SLC5A11: variants seen among roughly 807,000 people sequenced by gnomAD.
SLC5A11 encodes sodium/myo-inositol cotransporter 2.
In SLC5A11, 48 loss-of-function variants were observed where a neutral mutation model predicts 69.8. The ratio of observed to expected loss-of-function variants is 0.69; its 90% CI spans 0.55 to 0.87. SLC5A11 has a LOEUF of 0.87. Among genes scored for constraint, SLC5A11 ranks in the 40% least tolerant of loss-of-function variants. The pLI is 0.00. For missense variants in SLC5A11, 784 were observed against 866.1 expected (o/e 0.91, Z 1.19); for synonymous variants, 319 against 342.4 (o/e 0.93, Z 0.75).
At chr16:24,905,279 A>C (rs1435624151) in intron 10 of SLC5A11, among the ~76,000 whole-genome samples, 45 of 146,716 alleles carry the variant, frequency 3.1e-4, no homozygotes, top group African/African-American at 1.1e-3. Context: ...CAAAAAAAAA[A>C]AAAAAAAAAA....
At chr16:24,876,468 G>A (rs750599937) in intron 6 of SLC5A11, among the ~76,000 whole-genome samples, 7 of 152,164 alleles carry the variant, frequency 4.6e-5, no homozygotes, top group Non-Finnish European at 7.3e-5. Context: ...CCTAGGAAGT[G>A]GCAAAGAACA....
chr16:24,906,910 A>T, intron 11 of SLC5A11, 115 bp from the exon 13 acceptor site: 2 of 1,469,632 alleles, frequency 1.4e-6, no homozygotes, highest in Non-Finnish European at 1.9e-6. Flanking sequence ...TACGTCCTGC[A>T]GGAAGCTCTG....
intron 3 of SLC5A11, among the ~76,000 whole-genome samples, chr16:24,865,888 G>A (rs2046888715): frequency 6.6e-6 from 1 of 151,384 alleles, no homozygotes; most frequent in Non-Finnish European, 1.5e-5. Context: ...GTATAAATTG[G>A]TTTTCGATTG....
intron 8 of SLC5A11, among the ~76,000 whole-genome samples, chr16:24,885,656 CAAAAAAAAAAAAAAA>C (rs748412604): frequency 3.0e-5 from 2 of 65,938 alleles, no homozygotes; most frequent in African/African-American, 1.3e-4. Flanking sequence ...GACCCTGTCT[CAAAAAAAAAAAAAAA>C]AAAAAAAAAA....
At chr16:24,907,779 G>A (rs1035991473) in intron 12 of SLC5A11, among the ~76,000 whole-genome samples, 184 bp from the exon 14 acceptor site, 8 of 152,048 alleles carry the variant, frequency 5.3e-5, no homozygotes, top group African/African-American at 1.7e-4. Flanking sequence ...CCACCTATTC[G>A]GGAGGCTGAG....
At chr16:24,875,846 T>G in intron 6 of SLC5A11, 115 bp downstream of exon 7, 1 of 834,592 alleles carries the variant, frequency 1.2e-6, no homozygotes, top group South Asian at 1.6e-5. Flanking sequence ...TTTCATAGGC[T>G]GCAGGGAGAT....
intron 1 of SLC5A11, among the ~76,000 whole-genome samples, chr16:24,856,597 C>CAAAAAAAA (rs35867622): frequency 2.3e-3 from 206 of 88,794 alleles, no homozygotes; most frequent in Middle Eastern, 6.8e-3. Flanking sequence ...ACTAAAAATA[C>CAAAAAAAA]AAAAAAAAAA....
chr16:24,897,830 C>A, intron 9 of SLC5A11, 144 bp from the exon 11 acceptor site: 2 of 995,452 alleles, frequency 2.0e-6, no homozygotes, highest in Non-Finnish European at 3.0e-6. Flanking sequence ...GAGGAAACTG[C>A]CCCCATGATT....
intron 1 of SLC5A11, among the ~76,000 whole-genome samples, chr16:24,849,581 A>AT (rs2059177856): frequency 1.2e-5 from 1 of 85,066 alleles, no homozygotes; most frequent in East Asian, 3.0e-4. Context: ...GCAAAAAAAA[A>AT]AAAAAAAAAA....
intron 1 of SLC5A11, among the ~76,000 whole-genome samples, chr16:24,853,988 G>A (rs2059420927): frequency 6.6e-6 from 1 of 152,162 alleles, no homozygotes; most frequent in Admixed American, 6.5e-5. Flanking sequence ...CGCGGCCCCT[G>A]GCTGGGCCCC....
chr16:24,856,277 T>C (rs937699205), intron 1 of SLC5A11, among the ~76,000 whole-genome samples: 2 of 131,936 alleles, frequency 1.5e-5, no homozygotes, highest in Non-Finnish European at 3.0e-5. Context: ...CATTTATCAC[T>C]ATCTGAGTCC....
At chr16:24,908,460 G>A (rs540905904) in intron 13 of SLC5A11, among the ~76,000 whole-genome samples, 47 of 151,912 alleles carry the variant, frequency 3.1e-4, no homozygotes, top group Non-Finnish European at 5.9e-4. Flanking sequence ...TTAGCCGGGT[G>A]TGGTGGTGGG....
chr16:24,911,219 T>C, intron 15 of SLC5A11, 109 bp from the exon 17 acceptor site: 2 of 997,946 alleles, frequency 2.0e-6, no homozygotes, highest in Non-Finnish European at 3.1e-6. Flanking sequence ...TGGATGGTGG[T>C]TCACGCCTGT....
intron 4 of SLC5A11, among the ~76,000 whole-genome samples, chr16:24,871,949 CCTT>C (rs1324118878): frequency 6.6e-6 from 1 of 152,120 alleles, no homozygotes; most frequent in African/African-American, 2.4e-5. Context: ...ATCGCAAAGG[CCTT>C]CTTTTTCCAC....
exon 10 of SLC5A11, chr16:24,898,043 T>C: frequency 6.2e-7 from 1 of 1,614,208 alleles, no homozygotes; most frequent in Non-Finnish European, 8.5e-7. Context: ...GATGGCTGCA[T>C]ACCTGAAGGT....
chr16:24,911,616 G>A (rs2050535903), exon 16 of SLC5A11: 3 of 1,370,832 alleles, frequency 2.2e-6, no homozygotes, highest in Non-Finnish European at 3.1e-6. Flanking sequence ...TAAAGCTTTT[G>A]TTTACCACAA....
intron 10 of SLC5A11, among the ~76,000 whole-genome samples, 174 bp downstream of exon 11, chr16:24,898,283 C>T (rs2049324776): frequency 6.6e-6 from 1 of 152,190 alleles, no homozygotes; most frequent in South Asian, 2.1e-4. Flanking sequence ...ATGGTCATAG[C>T]TCACTGTAAC....
intron 8 of SLC5A11, among the ~76,000 whole-genome samples, chr16:24,886,667 A>T (rs2048421573): frequency 6.6e-6 from 1 of 152,322 alleles, no homozygotes; most frequent in East Asian, 1.9e-4. Context: ...TTATGAAAAA[A>T]ATGTGAAGTA....
intron 1 of SLC5A11, among the ~76,000 whole-genome samples, chr16:24,853,939 C>T (rs1039489538): frequency 1.3e-5 from 2 of 152,224 alleles, no homozygotes; most frequent in African/African-American, 4.8e-5. Flanking sequence ...TCTTTGGTCG[C>T]TGTTCCTGTC....
Sources: allele counts gnomAD v4.1 joint callset (sites outside exome capture counted in the v4.1 genomes callset), GRCh38; gene constraint gnomAD v4.1.1; transcripts MANE v1.5; gene names NCBI Gene and HGNC (gene_info 2026-07-23, HGNC 2026-07-21).